TBCD: variants seen among roughly 807,000 people sequenced by gnomAD.
TBCD encodes tubulin folding cofactor D, also known as tubulin-specific chaperone D.
A neutral mutation model predicts 169.3 loss-of-function variants in TBCD; 105 were observed. That is an observed-to-expected ratio of 0.62 (90% CI 0.53 to 0.73). The LOEUF is 0.73. TBCD is among the 30% of genes least tolerant of loss of function. The pLI is 0.00. For missense variants in TBCD, 1,444 were observed against 1,600.1 expected (o/e 0.90, Z 1.66); for synonymous variants, 700 against 643.9 (o/e 1.09, Z -1.32).
chr17:82,896,383 C>T (rs543604071), intron 17 of TBCD, among the ~76,000 whole-genome samples: 1 of 151,394 alleles, frequency 6.6e-6, no homozygotes, highest in African/African-American at 2.4e-5. Flanking sequence ...CATGTGTGTA[C>T]ACATCTGTCT....
chr17:82,933,597 G>C (rs890860867), intron 34 of TBCD, among the ~76,000 whole-genome samples: 1 of 149,212 alleles, frequency 6.7e-6, no homozygotes, highest in Non-Finnish European at 1.5e-5. Context: ...AGACAGCGTG[G>C]TCTGTTTTTG....
In TBCD at chr17:82,864,214, G is replaced by C. The variant is rs540365653; in HGVS notation, c.1319-6010G>C. On this transcript the variant is annotated intron_variant, in intron 13 of 38. Coordinates refer to ENST00000355528, the MANE Select transcript of TBCD (RefSeq NM_005993.5). This position sits in a 1 kb window ranked among gnomAD's most constrained non-coding sequence, Gnocchi z 6.3. ...CTTGTGTGATTTATCAGCTTCACTT[G>C]TGCTTCCAGGGCTCTTTGAAGCGTC... 2.0e-4 allele frequency: 30 copies of C among 152,360 alleles called. No homozygotes were observed. The highest frequency in any genetic ancestry group is 6.5e-4 in the African/African-American group (27 of 41,572). The allele number at this position is 152,360 out of a possible 1,614,324, so 9.4% of individuals were successfully genotyped here.
In TBCD at chr17:82,807,621, C is replaced by A; in HGVS notation, c.1101C>A (p.Val367=). Residue 367 remains valine (V), a synonymous_variant, in exon 11 of 39, where the codon GTC becomes GTA. Coordinates refer to ENST00000355528, the MANE Select transcript of TBCD (RefSeq NM_005993.5). ...GVERVIEQLL[V]GLKDKDTVVR... ...CTCTTCCTACAGAGCAGCTGCTGGT[C>A]GGGCTGAAGGACAAGGACACGGTCG... is the stretch of plus-strand genomic sequence containing the variant. 1 of 1,544,824 alleles carries A rather than the reference C, an allele frequency of 6.5e-7. No individual in the cohort carries two copies. Among genetic ancestry groups the A allele is most frequent in the East Asian group, 2.4e-5 (1 of 41,044 alleles).
intron 9 of TBCD, 96 bp downstream of exon 9, chr17:82,801,092 G>A (rs2050480163): frequency 8.9e-7 from 1 of 1,118,262 alleles, no homozygotes; most frequent in Non-Finnish European, 1.2e-6. Flanking sequence ...GGCAGGTGCT[G>A]TTGGGGCAGG....
At chr17:82,899,003 G>A (rs1370929663) in intron 17 of TBCD, among the ~76,000 whole-genome samples, 4 of 152,224 alleles carry the variant, frequency 2.6e-5, no homozygotes, top group African/African-American at 7.2e-5. Flanking sequence ...TGCCCTCGAC[G>A]CGGAGCAGGG....
chr17:82,766,494 C>G, intron 4 of TBCD, 126 bp downstream of exon 4: 1 of 558,778 alleles, frequency 1.8e-6, no homozygotes, highest in Non-Finnish European at 3.1e-6. Context: ...TTTTGTGTCA[C>G]TCCTCTTTTC....
chr17:82,788,327 T>C (rs1050859928), intron 7 of TBCD, among the ~76,000 whole-genome samples: 2 of 152,142 alleles, frequency 1.3e-5, no homozygotes, highest in Admixed American at 6.6e-5. Flanking sequence ...TTTCTAGTGC[T>C]CTGATTGGAA....
intron 4 of TBCD, 50 bp from the exon 5 acceptor site, chr17:82,768,370 G>A: frequency 1.9e-6 from 3 of 1,609,136 alleles, no homozygotes; most frequent in East Asian, 2.2e-5. Context: ...GTGGCCAGTG[G>A]CCTGTGATTT....
At chr17:82,927,160 G>C in intron 28 of TBCD, 26 bp from the exon 29 acceptor site, 1 of 1,613,750 alleles carries the variant, frequency 6.2e-7, no homozygotes, top group Non-Finnish European at 8.5e-7. Context: ...ATGTTTGTTT[G>C]TTAGCTCACA....
At chr17:82,817,037 G>A (rs2051974867) in intron 13 of TBCD, among the ~76,000 whole-genome samples, 1 of 152,102 alleles carries the variant, frequency 6.6e-6, no homozygotes, top group Non-Finnish European at 1.5e-5. Context: ...TTTAATTGTT[G>A]TTGTAAGTAA....
chr17:82,913,090 G>A (rs1239424157), intron 23 of TBCD: 1 of 152,334 alleles, frequency 6.6e-6, no homozygotes, highest in Non-Finnish European at 1.5e-5. Flanking sequence ...TGGGTGCCCG[G>A]AGTTGCCTCC....
Position 82,864,074 on chromosome 17 carries a change from T to C in TBCD, c.1319-6150T>C, listed in dbSNP as rs1179921941. On this transcript the variant is annotated intron_variant, in intron 13 of 38. Transcript: ENST00000355528. This position sits in a 1 kb window ranked among gnomAD's most constrained non-coding sequence, Gnocchi z 6.3. Reference sequence around the variant, plus strand: ...CTAACCAGTGTTCTTAGGGGCTGTCTTACCAGTGAAGGGAGCTGCCTGCTG... The same window carrying C: ...CTAACCAGTGTTCTTAGGGGCTGTCCTACCAGTGAAGGGAGCTGCCTGCTG... Among the ~76,000 whole-genome samples the C allele has an allele frequency of 6.6e-6, 1 of 152,200 alleles. No homozygotes were observed. Among genetic ancestry groups the C allele is most frequent in the Non-Finnish European group, 1.5e-5 (1 of 68,032 alleles).
chr17:82,797,036 T>G (rs906177780), intron 7 of TBCD, among the ~76,000 whole-genome samples: 1 of 152,230 alleles, frequency 6.6e-6, no homozygotes, highest in Non-Finnish European at 1.5e-5. Context: ...GGAAATTCAT[T>G]CGCGTTTTCT....
intron 7 of TBCD, among the ~76,000 whole-genome samples, chr17:82,783,539 G>C (rs999758548): frequency 2.2e-4 from 34 of 152,274 alleles, no homozygotes; most frequent in African/African-American, 7.7e-4. Context: ...CTGCAGCCGT[G>C]GATCCATGTG....
At chr17:82,879,336 G>A (rs1270304557) in intron 14 of TBCD, among the ~76,000 whole-genome samples, 1 of 151,840 alleles carries the variant, frequency 6.6e-6, no homozygotes, top group East Asian at 1.9e-4. Flanking sequence ...CTTCCTCCTG[G>A]CCTCCCTTCG....
chr17:82,888,870 G>A (rs906355592), intron 15 of TBCD, among the ~76,000 whole-genome samples: 3 of 152,210 alleles, frequency 2.0e-5, no homozygotes, highest in Admixed American at 6.5e-5. Flanking sequence ...CCCTGAAGCC[G>A]CCAGCCTCCC....
intron 12 of TBCD, 66 bp from the exon 13 acceptor site, chr17:82,814,774 A>G: frequency 6.6e-7 from 1 of 1,510,666 alleles, no homozygotes; most frequent in Non-Finnish European, 9.2e-7. Flanking sequence ...GCTCCTTGCC[A>G]TGCTGTGGGC....
Position 82,807,653 on chromosome 17 carries a change from G to A in TBCD, c.1133G>A (p.Trp378Ter). Residue 378 changes from tryptophan to a stop codon, truncating the protein, a stop_gained, in exon 11 of 39, where the codon TGG (tryptophan) becomes TAG (stop). Coordinates refer to ENST00000355528, the MANE Select transcript of TBCD (RefSeq NM_005993.5). LOFTEE classifies it high-confidence loss of function. Reference sequence around the variant, plus strand: ...AAGGACAAGGACACGGTCGTGCGGTGGTCTGCAGCCAAGGGGTAGGTGTCT... The same window carrying A: ...AAGGACAAGGACACGGTCGTGCGGTAGTCTGCAGCCAAGGGGTAGGTGTCT... ...GLKDKDTVVR[W>*]SAAKGIGRMA... 1.3e-6 allele frequency: 2 copies of A among 1,549,946 alleles called. No individual in the cohort carries two copies. The highest frequency in any genetic ancestry group is 1.7e-6 in the Non-Finnish European group (2 of 1,146,434).
At chr17:82,760,664 T>A (rs1309001279) in intron 2 of TBCD, among the ~76,000 whole-genome samples, 1 of 152,258 alleles carries the variant, frequency 6.6e-6, no homozygotes, top group Non-Finnish European at 1.5e-5. Context: ...ACTATAGAGT[T>A]CACTCTTCTA....
Sources: gnomAD v4.1 joint callset for allele counts (sites outside exome capture counted in the v4.1 genomes callset) on GRCh38, gnomAD v4.1.1 for gene constraint, Gnocchi (gnomAD v3.1) non-coding constraint, MANE v1.5 for transcripts, NCBI Gene and HGNC (gene_info 2026-07-23, HGNC 2026-07-21) for gene names.